Variants in RXRA observed in about 807,000 individuals in gnomAD.
RXRA encodes the protein retinoic acid receptor RXR-alpha.
RXRA carries 5 observed loss-of-function variants against 44.5 expected under a neutral mutation model. The ratio of observed to expected loss-of-function variants is 0.11; its 90% CI spans 0.06 to 0.24. The LOEUF (loss-of-function observed/expected upper bound fraction) is 0.24. RXRA is among the 10% of genes least tolerant of loss of function. The pLI, the probability that RXRA is intolerant of heterozygous loss-of-function variation, is 1.00. For synonymous variants in RXRA, 291 were observed against 271.4 expected, an observed-to-expected ratio of 1.07 and a Z score of -0.71; for missense variants, 412 against 646.5, an observed-to-expected ratio of 0.64 and a Z score of 3.93.
chr9:134,346,273 C>A (rs782364706), intron 1 of RXRA, among the ~76,000 whole-genome samples: 2 of 152,306 alleles, frequency 1.3e-5, no homozygotes, highest in African/African-American at 2.4e-5. Flanking sequence ...TGCCCTCCCG[C>A]GGCTTGCTGG....
intron 1 of RXRA, among the ~76,000 whole-genome samples, chr9:134,387,556 G>A (rs192524539): frequency 1.3e-5 from 2 of 152,366 alleles, no homozygotes; most frequent in Admixed American, 6.5e-5. Context: ...GATGCCAGGC[G>A]AGGCTGTGCC....
intron 1 of RXRA, among the ~76,000 whole-genome samples, chr9:134,369,949 T>C (rs1465415462): frequency 6.6e-6 from 1 of 152,008 alleles, no homozygotes; most frequent in Admixed American, 6.5e-5. Context: ...CGCCACGGAG[T>C]CTGCCTCCTG....
intron 6 of RXRA, chr9:134,424,600 G>T: frequency 2.0e-6 from 2 of 985,482 alleles, no homozygotes; most frequent in Non-Finnish European, 2.4e-6. Context: ...TGTTCTGTCT[G>T]CCGGGGCCAG....
At chr9:134,345,207 G>A (rs965277799) in intron 1 of RXRA, among the ~76,000 whole-genome samples, 2 of 152,196 alleles carry the variant, frequency 1.3e-5, no homozygotes, top group Non-Finnish European at 2.9e-5. Flanking sequence ...GTCCCCACCG[G>A]ATTAGTGAGG....
At chr9:134,337,656 G>A (rs1830026940) in intron 1 of RXRA, among the ~76,000 whole-genome samples, 1 of 152,130 alleles carries the variant, frequency 6.6e-6, no homozygotes, top group South Asian at 2.1e-4. Flanking sequence ...CTTTTGAATT[G>A]GGTCATGAAG....
intron 7 of RXRA, among the ~76,000 whole-genome samples, chr9:134,430,316 G>A (rs868352547): frequency 6.6e-6 from 1 of 152,240 alleles, no homozygotes; most frequent in Non-Finnish European, 1.5e-5. Context: ...TTGGGCAGGG[G>A]TCTGCAACAC....
chr9:134,352,885 C>G (rs563462207), intron 1 of RXRA, among the ~76,000 whole-genome samples: 1 of 152,316 alleles, frequency 6.6e-6, no homozygotes, highest in South Asian at 2.1e-4. Flanking sequence ...TGGGAGTTCT[C>G]TCCTGCTTCC....
rs1170517045 is a variant in RXRA, at chr9:134,432,041, G to T, written c.1135+45G>T. The T allele has an allele frequency of 2.7e-6, 4 of 1,483,306 alleles. No homozygotes were observed. The South Asian group carries it at 4.6e-5, about 17-fold the overall frequency. The allele number at this position is 1,483,306 out of a possible 1,614,324, so 91.9% of individuals were successfully genotyped here. On this transcript the variant is annotated intron_variant, in intron 8 of 9. Transcript: ENST00000481739. ...AGGCTTCTGGCCCCGTTCTCTGGTG[G>T]GGCAGAGGTGCCTGGGCCTCCTCCT...
At chr9:134,423,125 G>A (rs1213910853) in intron 6 of RXRA, 7 of 985,362 alleles carry the variant, frequency 7.1e-6, no homozygotes, top group African/African-American at 1.7e-5. Flanking sequence ...CCTGGAAAGG[G>A]GGTGTGAGGG....
chr9:134,338,195 C>T (rs782022121), intron 1 of RXRA, among the ~76,000 whole-genome samples: 6 of 152,118 alleles, frequency 3.9e-5, no homozygotes, highest in Non-Finnish European at 8.8e-5. Context: ...TGCACTGTCC[C>T]GGGGCCTCCC....
intron 2 of RXRA, among the ~76,000 whole-genome samples, chr9:134,406,679 A>G (rs1831055547): frequency 6.6e-6 from 1 of 152,084 alleles, no homozygotes; most frequent in African/African-American, 2.4e-5. Flanking sequence ...CTTAGTTTGG[A>G]CGAGCTCTGT....
chr9:134,391,045 C>T (rs977247207), intron 1 of RXRA, among the ~76,000 whole-genome samples: 1 of 152,076 alleles, frequency 6.6e-6, no homozygotes, highest in Non-Finnish European at 1.5e-5. Context: ...CCCCGGTGGC[C>T]ATGCCCTGCC....
At position 134,439,362 on chromosome 9, in the gene RXRA, T is replaced by C. The variant is rs1443533071; in HGVS notation, c.*2748T>C. ...CCCGGCTTTGCCGTTCAGATGGGGCTCCTGAGGCTCAGGAGTGAAGATGCC... is the reference window on the plus strand; with the variant it reads ...CCCGGCTTTGCCGTTCAGATGGGGCCCCTGAGGCTCAGGAGTGAAGATGCC... On this transcript the variant is annotated 3_prime_UTR_variant, in exon 10 of 10. Coordinates refer to ENST00000481739, the MANE Select transcript of RXRA (RefSeq NM_002957.6). The C allele has an allele frequency of 2.0e-5, 3 of 152,108 alleles. No homozygotes were observed. Among genetic ancestry groups the C allele is most frequent in the Non-Finnish European group, 2.9e-5 (2 of 68,030 alleles). The allele number at this position is 152,108 out of a possible 1,614,324, so 9.4% of individuals were successfully genotyped here. A position where few individuals can be genotyped will look rare whatever the true frequency, so the allele number is the denominator to read the frequency against.
chr9:134,426,644 G>T lies in RXRA; in HGVS notation c.911-2464G>T, dbSNP rs923077455. 7.1e-6 allele frequency: 7 copies of T among 985,326 alleles called. No individual in the cohort carries two copies. The highest frequency in any genetic ancestry group is 8.4e-6 in the Non-Finnish European group (7 of 829,944). The allele number at this position is 985,326 out of a possible 1,614,324, so 61.0% of individuals were successfully genotyped here. On this transcript the variant is annotated intron_variant, in intron 6 of 9. Transcript: ENST00000481739. This position sits in a 1 kb window ranked among gnomAD's most constrained non-coding sequence, Gnocchi z 4.6. ...AGGCCCCTCTGCTGGGCACACCAGA[G>T]TTTCAGAGGCGAGTCTACCCTGGTG... is the stretch of plus-strand genomic sequence containing the variant.
At chr9:134,435,748 C>T (rs912913381) in intron 9 of RXRA, among the ~76,000 whole-genome samples, 8 of 152,170 alleles carry the variant, frequency 5.3e-5, no homozygotes, top group South Asian at 4.1e-4. Context: ...CTGTTCCCTG[C>T]GACTCACCAG....
chr9:134,327,783 G>A (rs1307846845), intron 1 of RXRA, among the ~76,000 whole-genome samples: 1 of 152,140 alleles, frequency 6.6e-6, no homozygotes, highest in Non-Finnish European at 1.5e-5. Flanking sequence ...ATGTGAGGGT[G>A]AGAGTCTGAG....
In RXRA at chr9:134,347,645, C is replaced by CA. The variant is rs1285379780; in HGVS notation, c.28+20987dup. Among the ~76,000 whole-genome samples the CA allele has an allele frequency of 3.3e-5, 5 of 152,294 alleles. No individual in the cohort carries two copies. In the East Asian group the frequency reaches 9.7e-4, roughly 29 times the overall value. On this transcript the variant is annotated intron_variant, in intron 1 of 9. Transcript: ENST00000481739. ...GCCAGCGTGGTTAGGGAAAGCCCTC[C>CA]AGGGGGATGCTGCGGGTGGGCTTGT... is the stretch of plus-strand genomic sequence containing the variant.
chr9:134,434,252 G>A, intron 9 of RXRA, 45 bp downstream of exon 9: 1 of 1,436,592 alleles, frequency 7.0e-7, no homozygotes, highest in Non-Finnish European at 9.8e-7. Flanking sequence ...CCAGGCTCTT[G>A]TCTCCAGAGC....
Position 134,342,836 on chromosome 9 carries a change from A to T in RXRA, c.28+16177A>T, listed in dbSNP as rs1830102608. On this transcript the variant is annotated intron_variant, in intron 1 of 9. Coordinates refer to ENST00000481739, the MANE Select transcript of RXRA (RefSeq NM_002957.6). This position sits in a 1 kb window ranked among gnomAD's most constrained non-coding sequence, Gnocchi z 4.4. ...CTGGCTGGCTCAGCAGGTTGAGCGCAGGTGGTGGCTGTGGCCCTGCCACCA... is the reference window on the plus strand; with the variant it reads ...CTGGCTGGCTCAGCAGGTTGAGCGCTGGTGGTGGCTGTGGCCCTGCCACCA... 6.6e-6 allele frequency among the ~76,000 whole-genome samples: 1 copy of T among 152,174 alleles called. No individual in the cohort carries two copies. The highest frequency in any genetic ancestry group is 2.4e-5 in the African/African-American group (1 of 41,432).
Sources: allele counts gnomAD v4.1 joint callset (sites outside exome capture counted in the v4.1 genomes callset), GRCh38; gene constraint gnomAD v4.1.1; non-coding constraint Gnocchi (gnomAD v3.1); transcripts MANE v1.5; gene names NCBI Gene and HGNC (gene_info 2026-07-23, HGNC 2026-07-21).